Variants in NBEAL2 observed in about 807,000 individuals in gnomAD.
The protein encoded by NBEAL2 is neurobeachin like 2.
Under a neutral mutation model 299.8 loss-of-function variants are expected in NBEAL2, and 160 were observed. The observed-to-expected ratio is 0.53, with a 90% CI of 0.47 to 0.61. The LOEUF is 0.61. Ranked by LOEUF, NBEAL2 falls within the 20% of genes least tolerant of loss-of-function variation. The pLI is 0.00. For missense variants in NBEAL2, 3,112 were observed against 3,649.0 expected (o/e 0.85, Z 3.79); for synonymous variants, 1,493 against 1,542.3 (o/e 0.97, Z 0.75).
At chr3:46,992,405 C>G in intron 9 of NBEAL2, 70 bp from the exon 10 acceptor site, 1 of 1,420,518 alleles carries the variant, frequency 7.0e-7, no homozygotes, top group Non-Finnish European at 9.7e-7. Flanking sequence ...CCTGCTCTAA[C>G]CCCACCCTCT....
intron 1 of NBEAL2, among the ~76,000 whole-genome samples, chr3:46,984,675 G>C (rs1000352403): frequency 9.9e-5 from 15 of 152,170 alleles, no homozygotes; most frequent in African/African-American, 3.1e-4. Context: ...CTGCTTGTCT[G>C]TCCCTGAAGA....
Position 47,009,200 on chromosome 3 carries a change from C to A in NBEAL2, c.8164-19C>A. ...CGCGGCGATCCCAGCTGATCCTACT[C>A]AACCCTTACGCCCACCAGGTGCGCA... On this transcript the variant is annotated intron_variant, in intron 53 of 53. Coordinates refer to ENST00000450053, the MANE Select transcript of NBEAL2 (RefSeq NM_015175.3). 6.3e-7 allele frequency: 1 copy of A among 1,580,480 alleles called. No individual in the cohort carries two copies. The highest frequency in any genetic ancestry group is 8.6e-7 in the Non-Finnish European group (1 of 1,165,172).
chr3:46,992,508 G>T lies in NBEAL2; in HGVS notation c.1066G>T (p.Asp356Tyr). Residue 356 changes from aspartate (D) to tyrosine (Y), a missense_variant, in exon 10 of 54, where the codon GAC becomes TAC. By Grantham distance (160) the Asp-to-Tyr change is radical. Coordinates refer to ENST00000450053, the MANE Select transcript of NBEAL2 (RefSeq NM_015175.3). ...YLQSRAPPEG[D>Y]SDLATRLLTE... ...GCAGTCCCGGGCGCCCCCCGAGGGG[G>T]ACAGTGACCTGGCTACCCGGTTACT... is the stretch of plus-strand genomic sequence containing the variant. The T allele has an allele frequency of 6.2e-7, 1 of 1,606,536 alleles. No homozygotes were observed. The highest frequency in any genetic ancestry group is 8.5e-7 in the Non-Finnish European group (1 of 1,176,952).
chr3:46,987,992 A>C (rs1429587540), intron 1 of NBEAL2: 45 of 1,275,798 alleles, frequency 3.5e-5, no homozygotes, highest in Admixed American at 4.7e-5. Context: ...TCCCGTTCAC[A>C]CCAAAGTTTT....
At position 46,994,473 on chromosome 3, in the gene NBEAL2, A is replaced by T; in HGVS notation, c.1216A>T (p.Ile406Phe). Residue 406 changes from isoleucine (I) to phenylalanine (F), a missense_variant, in exon 12 of 54, where the codon ATC (isoleucine) becomes TTC (phenylalanine). By Grantham distance (21) the Ile-to-Phe change is conservative. This residue lies in a region of NBEAL2 where 2,243 missense variants were observed against 2,538.1 expected (regional missense o/e 0.88). Coordinates refer to ENST00000450053, the MANE Select transcript of NBEAL2 (RefSeq NM_015175.3). ...PSAKEVFKER[I>F]GYPHLQEVLQ... ...TACACAGGAGGTGTTTAAGGAGCGC[A>T]TCGGCTACCCTCACCTGCAGGAGGT... 1 of 1,595,122 alleles carries T rather than the reference A, an allele frequency of 6.3e-7. No homozygotes were observed. The highest frequency in any genetic ancestry group is 8.6e-7 in the Non-Finnish European group (1 of 1,169,460).
chr3:47,008,991 T>C lies in NBEAL2; in HGVS notation c.8030T>C (p.Leu2677Pro). 6.3e-7 allele frequency: 1 copy of C among 1,599,146 alleles called. No homozygotes were observed. The highest frequency in any genetic ancestry group is 8.5e-7 in the Non-Finnish European group (1 of 1,179,818). The change falls in exon 53 of 54, where the codon CTG (leucine) becomes CCG (proline). Residue 2677 changes from leucine (L) to proline (P), a missense_variant and splice_region_variant. By Grantham distance (98) the Leu-to-Pro change is moderately conservative. Coordinates refer to ENST00000450053, the MANE Select transcript of NBEAL2 (RefSeq NM_015175.3). ...CALHILQLNT[L>P]LPAAPPLPMK... The stretch of plus-strand genomic sequence containing the variant: ...TGTATATCCCCTCTCCCTTCCAGAC[T>C]GCTCCCGGCCGCGCCTCCCTTGCCC...
In NBEAL2 at chr3:46,999,913, C is replaced by T. The variant is rs1256721530; in HGVS notation, c.3814C>T (p.Pro1272Ser). Residue 1272 changes from proline to serine, a missense_variant, in exon 27 of 54, where the codon CCA (proline) becomes TCA (serine). Pro to Ser is a moderately conservative substitution (Grantham distance 74). Around this residue, in one of 3 missense-constraint regions of NBEAL2, gnomAD observed 2,243 missense variants for 2,538.1 expected, o/e 0.88. Transcript: ENST00000450053. ...GCTTTTCCACCTCATCTACGGACAG[C>T]CAGATGTAGTGCGGCTTCTGGCCCG... ...RQLFHLIYGQPDVVRLLARQA... is the reference protein window; with the variant it reads ...RQLFHLIYGQSDVVRLLARQA... 1.9e-6 allele frequency: 3 copies of T among 1,609,404 alleles called. No individual in the cohort carries two copies. Among genetic ancestry groups the T allele is most frequent in the Non-Finnish European group, 2.5e-6 (3 of 1,177,236 alleles).
Position 46,988,053 on chromosome 3 carries a change from A to G in NBEAL2, c.52-616A>G. On this transcript the variant is annotated intron_variant, in intron 1 of 53. Coordinates refer to ENST00000450053, the MANE Select transcript of NBEAL2 (RefSeq NM_015175.3). This position sits in a 1 kb window ranked among gnomAD's most constrained non-coding sequence, Gnocchi z 4.4. ...AGCCACTGCCCCTCTTGCCCATGGA[A>G]CCAGCTCTGGGGCCTGGGGTCCAGG... 7.9e-7 allele frequency: 1 copy of G among 1,268,296 alleles called. No individual in the cohort carries two copies. Among genetic ancestry groups the G allele is most frequent in the Non-Finnish European group, 1.0e-6 (1 of 978,796 alleles). The allele number at this position is 1,268,296 out of a possible 1,614,324, so 78.6% of individuals were successfully genotyped here.
chr3:46,992,589 C>G (rs777780700), intron 10 of NBEAL2, 34 bp downstream of exon 10: 17 of 1,538,856 alleles, frequency 1.1e-5, no homozygotes, highest in African/African-American at 8.2e-5. Context: ...TCAGACACCC[C>G]CTGGGACTCC....
chr3:46,981,299 G>A (rs533722724), intron 1 of NBEAL2, among the ~76,000 whole-genome samples: 10 of 152,080 alleles, frequency 6.6e-5, no homozygotes, highest in Non-Finnish European at 1.0e-4. Context: ...AAAATTAGCC[G>A]GGCGTGGTGG....
intron 10 of NBEAL2, 138 bp downstream of exon 10, chr3:46,992,693 G>A: frequency 1.3e-6 from 1 of 799,672 alleles, no homozygotes; most frequent in Non-Finnish European, 2.0e-6. Context: ...CCTCCATGCT[G>A]TCTCGCCTGC....
Position 47,000,991 on chromosome 3 carries a change from G to A in NBEAL2, c.4306-10G>A, listed in dbSNP as rs372360230. Reference sequence around the variant, plus strand: ...CAACCCACGCCCACACCACCCACCTGTGCCCACAGCAAACCTCTGAGGAAG... The same window carrying A: ...CAACCCACGCCCACACCACCCACCTATGCCCACAGCAAACCTCTGAGGAAG... On this transcript the variant is annotated splice_polypyrimidine_tract_variant and intron_variant, in intron 27 of 53. Transcript: ENST00000450053. The surrounding 1 kb of genome is among the most constrained non-coding windows in gnomAD (Gnocchi z 4.5). 14 of 1,596,598 alleles carry A rather than the reference G, an allele frequency of 8.8e-6. No homozygotes were observed. In the African/African-American group the frequency reaches 1.6e-4, roughly 18 times the overall value.
Position 47,004,618 on chromosome 3 carries a change from C to A in NBEAL2, c.6294+28C>A, listed in dbSNP as rs763925897. ...GAGGGTCCCACTCTGCACCCCTCCA[C>A]CCCTGCCCCTCTGACCTGTCAGCCC... On this transcript the variant is annotated intron_variant, in intron 38 of 53. Transcript: ENST00000450053. This position sits in a 1 kb window ranked among gnomAD's most constrained non-coding sequence, Gnocchi z 5.0. 6.3e-7 allele frequency: 1 copy of A among 1,599,054 alleles called. No individual in the cohort carries two copies. The highest frequency in any genetic ancestry group is 1.1e-5 in the South Asian group (1 of 90,728).
rs1241905181 is a variant in NBEAL2 at position 46,988,816 on chromosome 3, C to A, written c.141-26C>A. 1 of 1,603,568 alleles carries A rather than the reference C, an allele frequency of 6.2e-7. No homozygotes were observed. The highest frequency in any genetic ancestry group is 1.1e-5 in the South Asian group (1 of 90,560). On this transcript the variant is annotated intron_variant, in intron 2 of 53. Transcript: ENST00000450053. This position sits in a 1 kb window ranked among gnomAD's most constrained non-coding sequence, Gnocchi z 4.4. ...AGCAGGGAGATTGAGGGGTCCTCAG[C>A]ACCCGTGTCTCCCCTTTCCTTGCAG...
chr3:47,001,208 G>T lies in NBEAL2; in HGVS notation c.4484+29G>T, dbSNP rs773258897. 3 of 1,602,830 alleles carry T rather than the reference G, an allele frequency of 1.9e-6. No homozygotes were observed. Among genetic ancestry groups the T allele is most frequent in the Non-Finnish European group, 2.6e-6 (3 of 1,172,130 alleles). The stretch of plus-strand genomic sequence containing the variant: ...AGAGGGAAAGTCTGGAGGGGGAGGG[G>T]CTTCAGGAAGCCTCGGGGGAAGGAG... On this transcript the variant is annotated intron_variant, in intron 28 of 53. Transcript: ENST00000450053. The surrounding 1 kb of genome is among the most constrained non-coding windows in gnomAD (Gnocchi z 6.1).
rs771441339 is a variant in NBEAL2, at chr3:46,996,845, C to A, written c.2556+12C>A. ...ATTACTCACCTCAGGTATTTGGGGG[C>A]CCCAGGGGAGTGGTTGGCTCGACTG... On this transcript the variant is annotated intron_variant, in intron 17 of 53. Coordinates refer to ENST00000450053, the MANE Select transcript of NBEAL2 (RefSeq NM_015175.3). 3.0e-5 allele frequency: 49 copies of A among 1,612,094 alleles called. No individual in the cohort carries two copies. Among genetic ancestry groups the A allele is most frequent in the Admixed American group, 2.0e-4 (12 of 59,912 alleles).
chr3:46,992,599 C>T, intron 10 of NBEAL2, 44 bp downstream of exon 10: 1 of 1,511,238 alleles, frequency 6.6e-7, no homozygotes, highest in Non-Finnish European at 9.0e-7. Context: ...CCTGGGACTC[C>T]CTCTTTGAGC....
At position 46,995,767 on chromosome 3, in the gene NBEAL2, C is replaced by A. The variant is rs1486440003; in HGVS notation, c.1952C>A (p.Thr651Asn). Residue 651 changes from threonine (T) to asparagine (N), a missense_variant, in exon 14 of 54, where the codon ACC (threonine) becomes AAC (asparagine). Physicochemically the swap from Thr to Asn is moderately conservative, Grantham distance 65. This residue lies in a region of NBEAL2 where 2,243 missense variants were observed against 2,538.1 expected (regional missense o/e 0.88). Coordinates refer to ENST00000450053, the MANE Select transcript of NBEAL2 (RefSeq NM_015175.3). ...GFEAFFTAAG[T>N]LVVAVCTRKE... ...GAGGCCTTCTTCACGGCGGCCGGGACCCTGGTGGTGGCTGTGTGCACACGG... is the reference window on the plus strand; with the variant it reads ...GAGGCCTTCTTCACGGCGGCCGGGAACCTGGTGGTGGCTGTGTGCACACGG... The A allele has an allele frequency of 6.2e-6, 10 of 1,613,614 alleles. No homozygotes were observed. In the Admixed American group the frequency reaches 1.7e-4, roughly 27 times the overall value.
At position 47,006,198 on chromosome 3, in the gene NBEAL2, G is replaced by C. The variant is rs542464679; in HGVS notation, c.6953G>C (p.Arg2318Pro). The change falls in exon 44 of 54, where the codon CGG (arginine) becomes CCG (proline). Residue 2318 changes from arginine to proline, a missense_variant. By Grantham distance (103) the Arg-to-Pro change is moderately radical (BLOSUM62 -2). Transcript: ENST00000450053. The stretch of plus-strand genomic sequence containing the variant: ...GACCTGGACCATGTGACAGATGAGC[G>C]GGAACGGAAGGCTCTGGAGGGCATT... Reference protein sequence around the residue: ...AVDLDHVTDERERKALEGIIS... With the variant: ...AVDLDHVTDEPERKALEGIIS... 6.2e-7 allele frequency: 1 copy of C among 1,613,912 alleles called. No individual in the cohort carries two copies. The highest frequency in any genetic ancestry group is 8.5e-7 in the Non-Finnish European group (1 of 1,179,884).
Sources: allele counts gnomAD v4.1 joint callset (sites outside exome capture counted in the v4.1 genomes callset), GRCh38; gene constraint gnomAD v4.1.1; regional missense constraint gnomAD v4.1.1; non-coding constraint Gnocchi (gnomAD v3.1); transcripts MANE v1.5; gene names NCBI Gene and HGNC (gene_info 2026-07-23, HGNC 2026-07-21).